Variants in CACNA1I observed in about 807,000 individuals in gnomAD.
CACNA1I encodes calcium voltage-gated channel subunit alpha1 I.
A neutral mutation model predicts 201.6 loss-of-function variants in CACNA1I; 74 were observed. The observed-to-expected ratio is 0.37, with a 90% confidence interval of 0.30 to 0.45. The LOEUF is 0.45. Ranked by LOEUF, CACNA1I falls within the 20% of genes least tolerant of loss-of-function variation. The probability of loss-of-function intolerance (pLI) is 1.00; values close to 1 mark genes in which losing one functional copy is unlikely to be tolerated. For missense variants in CACNA1I, 2,346 were observed against 3,138.1 expected (o/e 0.75, Z 6.03); for synonymous variants, 1,431 against 1,345.2 (o/e 1.06, Z -1.40).
Position 39,679,456 on chromosome 22 carries a change from GC to G in CACNA1I, c.5394+12del. 7.1e-7 allele frequency: 1 copy of G among 1,415,564 alleles called. No homozygotes were observed. 87.7% of individuals were successfully genotyped at this position (1,415,564 alleles called of 1,614,324 possible). On this transcript the variant is annotated intron_variant, in intron 32 of 36. Coordinates refer to ENST00000402142, the MANE Select transcript of CACNA1I (RefSeq NM_021096.4). ...TACTCGCCTGCCCAGGTGGGCAGGG[GC>G]TGGAGAGGTGTGAGGGTCGCCAGAG... is the stretch of plus-strand genomic sequence containing the variant.
chr22:39,573,411 T>TCTGGCTGGG (rs1487851815), intron 1 of CACNA1I, among the ~76,000 whole-genome samples: 1 of 152,066 alleles, frequency 6.6e-6, no homozygotes, highest in South Asian at 2.1e-4. Flanking sequence ...TCTGATGGGC[T>TCTGGCTGGG]CTGGCTGGGC....
intron 3 of CACNA1I, among the ~76,000 whole-genome samples, chr22:39,613,328 G>A (rs1484046186): frequency 6.6e-6 from 1 of 152,168 alleles, no homozygotes; most frequent in African/African-American, 2.4e-5. Context: ...TGAGGAACAG[G>A]GACAGGTGCC....
At position 39,649,475 on chromosome 22, in the gene CACNA1I, C is replaced by T; in HGVS notation, c.1568-26C>T. The T allele has an allele frequency of 6.5e-7, 1 of 1,544,566 alleles. No individual in the cohort carries two copies. The highest frequency in any genetic ancestry group is 8.7e-7 in the Non-Finnish European group (1 of 1,145,210). On this transcript the variant is annotated intron_variant, in intron 9 of 36. Transcript: ENST00000402142. This position sits in a 1 kb window ranked among gnomAD's most constrained non-coding sequence, Gnocchi z 7.3. Reference sequence around the variant, plus strand: ...ATTGGGCCTGGTGTGGGCAACGACTCTATGCCCCTCTCATTTGCTTTTCAG... The same window carrying T: ...ATTGGGCCTGGTGTGGGCAACGACTTTATGCCCCTCTCATTTGCTTTTCAG...
At chr22:39,632,157 G>A (rs1190737680) in intron 4 of CACNA1I, among the ~76,000 whole-genome samples, 1 of 152,186 alleles carries the variant, frequency 6.6e-6, no homozygotes, top group Non-Finnish European at 1.5e-5. Flanking sequence ...GGAGAAGCAG[G>A]AGCGGGAATG....
Position 39,663,702 on chromosome 22 carries a change from CG to C in CACNA1I, c.3474-15del. 24 of 1,610,464 alleles carry C rather than the reference CG, an allele frequency of 1.5e-5. No homozygotes were observed. Among genetic ancestry groups the C allele is most frequent in the East Asian group, 2.2e-5 (1 of 44,776 alleles). On this transcript the variant is annotated splice_polypyrimidine_tract_variant and intron_variant, in intron 18 of 36. Transcript: ENST00000402142. ...AGGCAGCTGACGCTCAGGCAGCCCCCGCCCACCCTGCCCAGGTTCCGGGTCC... is the reference window on the plus strand; with the variant it reads ...AGGCAGCTGACGCTCAGGCAGCCCCCCCCACCCTGCCCAGGTTCCGGGTCC...
At position 39,629,367 on chromosome 22, in the gene CACNA1I, C is replaced by T. The variant is rs1472875196; in HGVS notation, c.581-5198C>T. ...CCGCTCTGTGGCTCCAGGCCCCAAA[C>T]CTTGGAGTCGTCCCCAACTGCCCTC... On this transcript the variant is annotated intron_variant, in intron 4 of 36. Coordinates refer to ENST00000402142, the MANE Select transcript of CACNA1I (RefSeq NM_021096.4). This position sits in a 1 kb window ranked among gnomAD's most constrained non-coding sequence, Gnocchi z 4.8. Among the ~76,000 whole-genome samples, 1 of 152,064 alleles carries T rather than the reference C, an allele frequency of 6.6e-6. No homozygotes were observed. The highest frequency in any genetic ancestry group is 1.5e-5 in the Non-Finnish European group (1 of 68,012).
chr22:39,654,648 C>A (rs1395923024), intron 10 of CACNA1I, among the ~76,000 whole-genome samples: 1 of 152,162 alleles, frequency 6.6e-6, no homozygotes, highest in Non-Finnish European at 1.5e-5. Flanking sequence ...GACATTCCAG[C>A]TCTATAGGGG....
At chr22:39,580,219 G>A (rs1199235299) in intron 1 of CACNA1I, among the ~76,000 whole-genome samples, 1 of 152,238 alleles carries the variant, frequency 6.6e-6, no homozygotes, top group Non-Finnish European at 1.5e-5. Context: ...CCAGACGGGA[G>A]GCCAGCATTA....
rs769374736 is a variant in CACNA1I, at chr22:39,682,493, C to T, written c.5665-3C>T. ...GCCCCATCCTACCTCCCTTTCCTTG[C>T]AGGGTGAGCTGGACCCACCTGAGCC... On this transcript the variant is annotated splice_region_variant and splice_polypyrimidine_tract_variant and intron_variant, in intron 34 of 36. Transcript: ENST00000402142. The T allele has an allele frequency of 1.2e-6, 2 of 1,612,656 alleles. No homozygotes were observed. The highest frequency in any genetic ancestry group is 1.1e-5 in the South Asian group (1 of 90,958).
In CACNA1I at chr22:39,629,791, C is replaced by T. The variant is rs374593788; in HGVS notation, c.581-4774C>T. ...CCCTTTCAGAGATGTGTATGCCGTTCGGGGCGCTGTCCACAGGGGCGTCTG... is the reference window on the plus strand; with the variant it reads ...CCCTTTCAGAGATGTGTATGCCGTTTGGGGCGCTGTCCACAGGGGCGTCTG... On this transcript the variant is annotated intron_variant, in intron 4 of 36. Coordinates refer to ENST00000402142, the MANE Select transcript of CACNA1I (RefSeq NM_021096.4). The surrounding 1 kb of genome is among the most constrained non-coding windows in gnomAD (Gnocchi z 4.8). 1.1e-4 allele frequency among the ~76,000 whole-genome samples: 17 copies of T among 152,260 alleles called. No individual in the cohort carries two copies. The highest frequency in any genetic ancestry group is 1.9e-4 in the Non-Finnish European group (13 of 67,994).
Position 39,679,920 on chromosome 22 carries a change from C to T in CACNA1I, c.5541+52C>T, listed in dbSNP as rs1288630490. The T allele has an allele frequency of 4.5e-6, 7 of 1,565,626 alleles. No individual in the cohort carries two copies. In the African/African-American group the frequency reaches 9.4e-5, roughly 21 times the overall value. ...CCTTGTGGCAGGGGCAGCACGAAAC[C>T]TGGTGGGGGGCCTGTCCGAGGGCAG... On this transcript the variant is annotated intron_variant, in intron 33 of 36. Coordinates refer to ENST00000402142, the MANE Select transcript of CACNA1I (RefSeq NM_021096.4).
At position 39,688,509 on chromosome 22, in the gene CACNA1I, C is replaced by T. The variant is rs1360481030; in HGVS notation, c.*2104C>T. On this transcript the variant is annotated 3_prime_UTR_variant, in exon 37 of 37. Transcript: ENST00000402142. This position sits in a 1 kb window ranked among gnomAD's most constrained non-coding sequence, Gnocchi z 4.8. ...CAGACAGACTTGACTTTTTGCAAGTCCGCGTGTTGCTGGAGGGACACGTGT... is the reference window on the plus strand; with the variant it reads ...CAGACAGACTTGACTTTTTGCAAGTTCGCGTGTTGCTGGAGGGACACGTGT... The T allele has an allele frequency of 1.3e-5, 2 of 152,108 alleles. No individual in the cohort carries two copies. Among genetic ancestry groups the T allele is most frequent in the East Asian group, 1.9e-4 (1 of 5,180 alleles). 9.4% of individuals were successfully genotyped at this position (152,108 alleles called of 1,614,324 possible).
Position 39,659,550 on chromosome 22 carries a change from G to C in CACNA1I, c.2448G>C (p.Gln816His). 6.2e-7 allele frequency: 1 copy of C among 1,606,590 alleles called. No individual in the cohort carries two copies. The highest frequency in any genetic ancestry group is 8.5e-7 in the Non-Finnish European group (1 of 1,175,066). The change falls in exon 13 of 37, where the codon CAG (glutamine) becomes CAC (histidine). Residue 816 changes from glutamine (Q) to histidine (H), a missense_variant and splice_region_variant. Around this residue, in one of 13 missense-constraint regions of CACNA1I, gnomAD observed 155 missense variants for 300.8 expected, o/e 0.52. Transcript: ENST00000402142. The surrounding 1 kb of genome is among the most constrained non-coding windows in gnomAD (Gnocchi z 4.3). ...TGTGGGCCATCGTCACTGTGTTCCA[G>C]GTGAGTGGCCGCTGCGTGTTCATGT... ...SLLWAIVTVF[Q>H]ILTQEDWNVV...
chr22:39,672,812 T>A lies in CACNA1I; in HGVS notation c.4650-137T>A, dbSNP rs971938250. 1.2e-5 allele frequency: 10 copies of A among 866,200 alleles called. No individual in the cohort carries two copies. The Admixed American group carries it at 3.0e-4, about 26-fold the overall frequency. The allele number at this position is 866,200 out of a possible 1,614,324, so 53.7% of individuals were successfully genotyped here. The stretch of plus-strand genomic sequence containing the variant: ...ACCCAGTGGCGTTAGGAGGGGCTAG[T>A]AAGGGAGGGCAGCCACACAGCCTAA... On this transcript the variant is annotated intron_variant, in intron 27 of 36. Transcript: ENST00000402142.
chr22:39,678,036 C>T lies in CACNA1I; in HGVS notation c.4983C>T (p.Phe1661=), dbSNP rs1601527228. The T allele has an allele frequency of 3.7e-6, 6 of 1,604,816 alleles. No homozygotes were observed. The highest frequency in any genetic ancestry group is 1.3e-5 in the African/African-American group (1 of 74,902). The change falls in exon 31 of 37, where the codon TTC becomes TTT. Residue 1661 remains phenylalanine (F), a synonymous_variant. Coordinates refer to ENST00000402142, the MANE Select transcript of CACNA1I (RefSeq NM_021096.4). ...PCEGMSRHAT[F]ENFGMAFLTL... is the part of the protein sequence containing the mutation. ...AGGGCATGAGCCGGCATGCCACCTT[C>T]GAGAACTTCGGCATGGCCTTCCTCA...
chr22:39,593,042 G>A (rs561635808), intron 1 of CACNA1I, among the ~76,000 whole-genome samples: 4 of 152,328 alleles, frequency 2.6e-5, no homozygotes, highest in Non-Finnish European at 4.4e-5. Context: ...GGATTTCCCC[G>A]GGCACCTCTG....
Position 39,639,024 on chromosome 22 carries a change from G to A in CACNA1I, c.741-1843G>A, listed in dbSNP as rs534654018. Among the ~76,000 whole-genome samples, 3 of 152,282 alleles carry A rather than the reference G, an allele frequency of 2.0e-5. No individual in the cohort carries two copies. In the South Asian group the frequency reaches 6.2e-4, roughly 32 times the overall value. On this transcript the variant is annotated intron_variant, in intron 5 of 36. Coordinates refer to ENST00000402142, the MANE Select transcript of CACNA1I (RefSeq NM_021096.4). ...CTGCTGTGTGGCCCCGGGGTTTGGG[G>A]ACCCCTGCTTTAGATAGTTACCTCT...
At chr22:39,631,117 C>T (rs1361922346) in intron 4 of CACNA1I, among the ~76,000 whole-genome samples, 3 of 152,176 alleles carry the variant, frequency 2.0e-5, no homozygotes, top group Non-Finnish European at 4.4e-5. Flanking sequence ...TCAGAGGTGT[C>T]CTGGCCCCGT....
chr22:39,619,598 C>T (rs1261047985), intron 4 of CACNA1I, among the ~76,000 whole-genome samples, 191 bp downstream of exon 4: 5 of 151,876 alleles, frequency 3.3e-5, no homozygotes, highest in Non-Finnish European at 5.9e-5. Context: ...CCATAGAGCT[C>T]ATGGGCCTGA....
Sources: allele counts gnomAD v4.1 joint callset (sites outside exome capture counted in the v4.1 genomes callset), GRCh38; gene constraint gnomAD v4.1.1; regional missense constraint gnomAD v4.1.1; non-coding constraint Gnocchi (gnomAD v3.1); transcripts MANE v1.5; gene names NCBI Gene and HGNC (gene_info 2026-07-23, HGNC 2026-07-21).